The following SEMA3G variants were observed in gnomAD, a reference collection of about 807,000 sequenced individuals.
SEMA3G encodes semaphorin-3G.
In SEMA3G, 70 loss-of-function variants were observed where a neutral mutation model predicts 86.2. The ratio of observed to expected loss-of-function variants is 0.81; its 90% confidence interval spans 0.67 to 0.99. The LOEUF (loss-of-function observed/expected upper bound fraction) is 0.99, where lower values mean the gene tolerates loss of function less well. Ranked by LOEUF, SEMA3G falls within the 50% of genes least tolerant of loss-of-function variation. The probability of loss-of-function intolerance (pLI) is 0.00; values close to 1 mark genes in which losing one functional copy is unlikely to be tolerated. For missense variants in SEMA3G, 1,002 were observed against 1,072.4 expected, an observed-to-expected ratio of 0.93 and a Z score of 0.92; for synonymous variants, 416 against 441.4, an observed-to-expected ratio of 0.94 and a Z score of 0.72.
At position 52,441,798 on chromosome 3, in the gene SEMA3G, C is replaced by T. The variant is rs751862842; in HGVS notation, c.550+21G>A. On this transcript the variant is annotated intron_variant, in intron 5 of 15. Transcript: ENST00000231721. ...CAGCTGCCACCCTCCCTGTTCTCAC[C>T]CTGGCCTGGGCATCACCCACCTATG... is the stretch of plus-strand genomic sequence containing the variant. 47 of 1,606,006 alleles carry T rather than the reference C, an allele frequency of 2.9e-5. No individual in the cohort carries two copies. The South Asian group carries it at 5.2e-4, about 18-fold the overall frequency.
chr3:52,438,134 G>GT lies in SEMA3G; in HGVS notation c.1574dup (p.Tyr525Ter), dbSNP rs771101444. 1.5e-4 allele frequency: 235 copies of GT among 1,613,112 alleles called. No homozygotes were observed. Among genetic ancestry groups the GT allele is most frequent in the Non-Finnish European group, 1.8e-4 (208 of 1,180,002 alleles). Residue 525 changes from tyrosine (Y) to a stop codon, truncating the protein, a stop_gained and frameshift_variant, in exon 14 of 16, where the codon TAC (tyrosine) becomes TAAC (stop). Coordinates refer to ENST00000231721, the MANE Select transcript of SEMA3G (RefSeq NM_020163.3). LOFTEE classifies it high-confidence loss of function. ...GGCAGCACTCTGCACAGGCAGTGCC[G>GT]TAAGTCTCACATTGGTGCAGCCGCA... ...AQLRLHQCET[Y>*]GTACAECCLA...
chr3:52,441,228 G>A (rs984491561), intron 7 of SEMA3G, 36 bp downstream of exon 7: 1 of 1,603,490 alleles, frequency 6.2e-7, no homozygotes, highest in South Asian at 1.1e-5. Flanking sequence ...GGGTGTAGCA[G>A]GGACTTGAAC....
Position 52,434,885 on chromosome 3 carries a change from G to A in SEMA3G, c.*718C>T, listed in dbSNP as rs1268858727. The A allele has an allele frequency of 1.3e-5, 2 of 152,350 alleles. No homozygotes were observed. Among genetic ancestry groups the A allele is most frequent in the Non-Finnish European group, 2.9e-5 (2 of 68,074 alleles). The allele number at this position is 152,350 out of a possible 1,614,324, so 9.4% of individuals were successfully genotyped here. On this transcript the variant is annotated 3_prime_UTR_variant, in exon 16 of 16. Coordinates refer to ENST00000231721, the MANE Select transcript of SEMA3G (RefSeq NM_020163.3). This position sits in a 1 kb window ranked among gnomAD's most constrained non-coding sequence, Gnocchi z 5.2. Reference sequence around the variant, plus strand: ...ACCCTGGCCTGGGGAAGGGAAGTCAGGCTGTGAGATGCCCCCACCTGGTTT... The same window carrying A: ...ACCCTGGCCTGGGGAAGGGAAGTCAAGCTGTGAGATGCCCCCACCTGGTTT...
In SEMA3G at chr3:52,439,867, C is replaced by T; in HGVS notation, c.1375G>A (p.Asp459Asn). 6.2e-7 allele frequency: 1 copy of T among 1,612,800 alleles called. No homozygotes were observed. Among genetic ancestry groups the T allele is most frequent in the Non-Finnish European group, 8.5e-7 (1 of 1,179,248 alleles). The change falls in exon 11 of 16, where the codon GAC becomes AAC. Residue 459 changes from aspartate to asparagine, a missense_variant and splice_region_variant. Asp to Asn is a conservative substitution (Grantham distance 23). Transcript: ENST00000231721. ...GGCCACCCTGGCTCAGCTGTCCTAC[C>T]AGTCCCCAGGAAAATGACATCGTAG... The part of the protein sequence containing the change: ...GTYDVIFLGT[D>N]SGSVLKVIAL...
chr3:52,440,184 G>A, intron 10 of SEMA3G, 86 bp from the exon 11 acceptor site: 1 of 1,276,658 alleles, frequency 7.8e-7, no homozygotes, highest in Non-Finnish European at 1.1e-6. Flanking sequence ...CCCAACCAGG[G>A]GGACCTCTCT....
At chr3:52,437,868 C>T (rs964530149) in intron 14 of SEMA3G, 103 bp downstream of exon 14, 13 of 1,184,090 alleles carry the variant, frequency 1.1e-5, no homozygotes, top group South Asian at 5.4e-5. Context: ...GAGGACTATC[C>T]GTCATGACAA....
In SEMA3G at chr3:52,442,080, G is replaced by A; in HGVS notation, c.459+105C>T. 1.4e-6 allele frequency: 2 copies of A among 1,468,544 alleles called. No individual in the cohort carries two copies. Among genetic ancestry groups the A allele is most frequent in the South Asian group, 1.3e-5 (1 of 76,272 alleles). The allele number at this position is 1,468,544 out of a possible 1,614,324, so 91.0% of individuals were successfully genotyped here. A position where few individuals can be genotyped will look rare whatever the true frequency, so the allele number is the denominator to read the frequency against. ...CTCCCCAACACAAAGGCGCCTTTCA[G>A]GCCCCTGCCCCTCTGTCCCTACCCA... On this transcript the variant is annotated intron_variant, in intron 4 of 15. Coordinates refer to ENST00000231721, the MANE Select transcript of SEMA3G (RefSeq NM_020163.3). This position sits in a 1 kb window ranked among gnomAD's most constrained non-coding sequence, Gnocchi z 6.1.
chr3:52,436,153 A>C, intron 15 of SEMA3G, 80 bp from the exon 16 acceptor site: 1 of 1,486,220 alleles, frequency 6.7e-7, no homozygotes, highest in Non-Finnish European at 8.9e-7. Flanking sequence ...CTTTTCTGCC[A>C]TCCTTGGGGC....
chr3:52,437,500 G>A (rs551340176), intron 15 of SEMA3G, 27 bp downstream of exon 15: 22 of 1,600,288 alleles, frequency 1.4e-5, no homozygotes, highest in Middle Eastern at 3.8e-4. Context: ...ACACACAGAG[G>A]CTAGAGGCAG....
At position 52,441,907 on chromosome 3, in the gene SEMA3G, A is replaced by G. The variant is rs1024778445; in HGVS notation, c.462T>C (p.His154=). The change falls in exon 5 of 16, where the codon CAT becomes CAC. Residue 154 remains histidine, a splice_region_variant and synonymous_variant. Transcript: ENST00000231721. ...ALITVGHRGE[H]VLHLEPGSVE... is the part of the protein sequence containing the mutation. ...CACTGCCAGGCTCCAGGTGGAGCAC[A>G]TGCTAGTGGGAGGGAGAGAGGGAGG... 1 of 1,564,880 alleles carries G rather than the reference A, an allele frequency of 6.4e-7. No individual in the cohort carries two copies. The highest frequency in any genetic ancestry group is 1.9e-5 in the Admixed American group (1 of 52,392).
Position 52,436,035 on chromosome 3 carries a change from C to T in SEMA3G, c.1917G>A (p.Gly639=), listed in dbSNP as rs1706043426. 2 of 1,612,654 alleles carry T rather than the reference C, an allele frequency of 1.2e-6. No homozygotes were observed. The highest frequency in any genetic ancestry group is 1.3e-5 in the African/African-American group (1 of 74,932). Residue 639 remains glycine, a synonymous_variant, in exon 16 of 16, where the codon GGG becomes GGA. Coordinates refer to ENST00000231721, the MANE Select transcript of SEMA3G (RefSeq NM_020163.3). ...AACGGCTAAGCCTGCGGAACAGCAGCCCCCGCTCCGTGTGCAAGACTCGCT... is the reference window on the plus strand; with the variant it reads ...AACGGCTAAGCCTGCGGAACAGCAGTCCCCGCTCCGTGTGCAAGACTCGCT... ...TDERVLHTER[G]LLFRRLSRFD... is the part of the protein sequence containing the mutation.
chr3:52,441,093 G>T (rs765891133), intron 7 of SEMA3G, 45 bp from the exon 8 acceptor site: 1 of 1,514,358 alleles, frequency 6.6e-7, no homozygotes, highest in Non-Finnish European at 8.9e-7. Context: ...CCACGAGGAT[G>T]GGTCCCACCA....
rs1407027504 is a variant in SEMA3G, at chr3:52,433,689, C to A, written c.*1914G>T. The A allele has an allele frequency of 6.6e-6, 1 of 152,632 alleles. No individual in the cohort carries two copies. Among genetic ancestry groups the A allele is most frequent in the African/African-American group, 2.4e-5 (1 of 41,428 alleles). 9.5% of individuals were successfully genotyped at this position (152,632 alleles called of 1,614,324 possible). ...GCCTGGAGCCTGCCAAGCCAGAGTC[C>A]AGCGTAAAGGCCCGGAGGGCTGTTT... On this transcript the variant is annotated 3_prime_UTR_variant, in exon 16 of 16. Transcript: ENST00000231721.
At chr3:52,440,887 A>G (rs768310105) in intron 8 of SEMA3G, 47 bp downstream of exon 8, 1 of 1,598,902 alleles carries the variant, frequency 6.3e-7, no homozygotes, top group South Asian at 1.1e-5. Context: ...ACCAGCTCTC[A>G]GCCCTCCCCA....
chr3:52,438,075 G>A lies in SEMA3G; in HGVS notation c.1634C>T (p.Ala545Val), dbSNP rs750137791. The A allele has an allele frequency of 3.1e-6, 5 of 1,613,224 alleles. No homozygotes were observed. In the South Asian group the frequency reaches 4.4e-5, roughly 14 times the overall value. The change falls in exon 14 of 16, where the codon GCC (alanine) becomes GTC (valine). Residue 545 changes from alanine (A) to valine (V), a missense_variant. By Grantham distance (64) the Ala-to-Val change is moderately conservative. Transcript: ENST00000231721. The part of the protein sequence containing the change: ...ARDPYCAWDG[A>V]SCTHYRPSLG... ...GCTGGGGCGGTAGTGGGTACAGGAGGCACCATCCCAGGCACAGTATGGGTC... is the reference window on the plus strand; with the variant it reads ...GCTGGGGCGGTAGTGGGTACAGGAGACACCATCCCAGGCACAGTATGGGTC...
At position 52,442,795 on chromosome 3, in the gene SEMA3G, G is replaced by C; in HGVS notation, c.228C>G (p.Asp76Glu). The change falls in exon 2 of 16, where the codon GAC becomes GAG. Residue 76 changes from aspartate to glutamate, a missense_variant. Coordinates refer to ENST00000231721, the MANE Select transcript of SEMA3G (RefSeq NM_020163.3). The surrounding 1 kb of genome is among the most constrained non-coding windows in gnomAD (Gnocchi z 6.1). ...GGTCCAGCCGCAGAGAGTAGAGGGC[G>C]TCCAGGCCACCCAGAAAGAGGCGGT... ...YRDRLFLGGLDALYSLRLDQA... is the reference protein window; with the variant it reads ...YRDRLFLGGLEALYSLRLDQA... 6.2e-7 allele frequency: 1 copy of C among 1,614,002 alleles called. No homozygotes were observed. The highest frequency in any genetic ancestry group is 1.1e-5 in the South Asian group (1 of 91,066).
Position 52,443,806 on chromosome 3 carries a change from C to T in SEMA3G, c.116-899G>A, listed in dbSNP as rs1706206891. On this transcript the variant is annotated intron_variant, in intron 1 of 15. Coordinates refer to ENST00000231721, the MANE Select transcript of SEMA3G (RefSeq NM_020163.3). ...ACAGCTCCCGGAACAAGACCACATT[C>T]CCCTCAGCCTCTCCAGGGACGAGCG... Among the ~76,000 whole-genome samples, 3 of 152,194 alleles carry T rather than the reference C, an allele frequency of 2.0e-5. No homozygotes were observed. In the South Asian group the frequency reaches 6.2e-4, roughly 32 times the overall value.
rs746088829 is a variant in SEMA3G, at chr3:52,442,578, C to G, written c.320G>C (p.Arg107Pro). The G allele has an allele frequency of 1.2e-6, 2 of 1,614,010 alleles. No homozygotes were observed. Among genetic ancestry groups the G allele is most frequent in the South Asian group, 1.1e-5 (1 of 91,088 alleles). Residue 107 changes from arginine to proline, a missense_variant, in exon 3 of 16, where the codon CGA (arginine) becomes CCA (proline). Arg to Pro is a moderately radical substitution (Grantham distance 103). Transcript: ENST00000231721. This position sits in a 1 kb window ranked among gnomAD's most constrained non-coding sequence, Gnocchi z 6.1. The part of the protein sequence containing the change: ...PQPGQREECV[R>P]KGRDPLTECA... Reference sequence around the variant, plus strand: ...ACTCACCAAAGGATCTCTTCCCTTTCGAACACACTCCTCCCTCTGTCCTGG... The same window carrying G: ...ACTCACCAAAGGATCTCTTCCCTTTGGAACACACTCCTCCCTCTGTCCTGG...
At chr3:52,441,719 G>T in intron 5 of SEMA3G, 29 bp from the exon 6 acceptor site, 5 of 1,603,260 alleles carry the variant, frequency 3.1e-6, no homozygotes, top group Non-Finnish European at 4.3e-6. Context: ...AACAGAGTCA[G>T]GGGAGGAGGC....
Sources: gnomAD v4.1 joint callset for allele counts (sites outside exome capture counted in the v4.1 genomes callset) on GRCh38, gnomAD v4.1.1 for gene constraint, Gnocchi (gnomAD v3.1) non-coding constraint, MANE v1.5 for transcripts, NCBI Gene and HGNC (gene_info 2026-07-23, HGNC 2026-07-21) for gene names.